FASN: variants seen among roughly 807,000 people sequenced by gnomAD.
The protein encoded by FASN is fatty acid synthase, also known as 3-hydroxyacyl-[acyl-carrier-protein] dehydratase.
A neutral mutation model predicts 250.0 loss-of-function variants in FASN; 50 were observed. The observed-to-expected ratio is 0.20, with a 90% CI of 0.16 to 0.25. FASN has a LOEUF of 0.25. Ranked by LOEUF, FASN falls within the 10% of genes least tolerant of loss-of-function variation. The pLI, the probability that FASN is intolerant of heterozygous loss-of-function variation, is 1.00. For missense variants in FASN, 3,031 were observed against 3,498.5 expected, an observed-to-expected ratio of 0.87 and a Z score of 3.37; for synonymous variants, 1,909 against 1,584.0, an observed-to-expected ratio of 1.21 and a Z score of -4.87.
rs45493497 is a variant in FASN, at chr17:82,087,362, G to A, written c.3186C>T (p.His1062=). ...VTAIHIDPAT[H]RQKLYTLQDK... ...CCTGCAGTGTGTACAGCTTCTGCCT[G>A]TGGGTGGCAGGGTCGATGTGGATGG... The change falls in exon 20 of 43, where the codon CAC becomes CAT. Residue 1062 remains histidine, a synonymous_variant. Transcript: ENST00000306749. 4.4e-4 allele frequency: 710 copies of A among 1,612,548 alleles called. 6 individuals carry two copies. In the African/African-American group the frequency reaches 8.3e-3, roughly 19 times the overall value.
rs2144795720 is a variant in FASN at position 82,087,986 on chromosome 17, T to G, written c.2834A>C (p.Glu945Ala). ...TACCAGGTTGCCGTTCTCTGACACC[T>G]CGAAGGCACGGGAGGCCTCCAGGAG... ...VRLLEASRAF[E>A]VSENGNLVVS... The change falls in exon 18 of 43, where the codon GAG (glutamate) becomes GCG (alanine). Residue 945 changes from glutamate (E) to alanine (A), a missense_variant. Physicochemically the swap from Glu to Ala is moderately radical, Grantham distance 107 (BLOSUM62 -1). Transcript: ENST00000306749. The G allele has an allele frequency of 6.2e-7, 1 of 1,612,504 alleles. No individual in the cohort carries two copies. Among genetic ancestry groups the G allele is most frequent in the Non-Finnish European group, 8.5e-7 (1 of 1,179,922 alleles).
rs377477664 is a variant in FASN, at chr17:82,083,441, G to A, written c.5342-16C>T. Reference sequence around the variant, plus strand: ...ATAGCCATGCCTGCGGGCAGGGGCCGTGCTCACCCAGGGCCTTCCACAGGT... The same window carrying A: ...ATAGCCATGCCTGCGGGCAGGGGCCATGCTCACCCAGGGCCTTCCACAGGT... On this transcript the variant is annotated splice_polypyrimidine_tract_variant and intron_variant, in intron 31 of 42. Coordinates refer to ENST00000306749, the MANE Select transcript of FASN (RefSeq NM_004104.5). The A allele has an allele frequency of 1.2e-4, 190 of 1,612,466 alleles. 2 individuals are homozygous for A. In the South Asian group the frequency reaches 1.5e-3, roughly 13 times the overall value.
In FASN at chr17:82,094,661, C is replaced by A. The variant is rs957810681; in HGVS notation, c.280+659G>T. Among the ~76,000 whole-genome samples the A allele has an allele frequency of 4.0e-5, 6 of 151,592 alleles. No homozygotes were observed. In the East Asian group the frequency reaches 1.2e-3, roughly 30 times the overall value. Reference sequence around the variant, plus strand: ...AAAATTAGCCGGGCGTGGTGGTGGGCGCCTGTAGTCCCGGCCACTCAGGAG... The same window carrying A: ...AAAATTAGCCGGGCGTGGTGGTGGGAGCCTGTAGTCCCGGCCACTCAGGAG... On this transcript the variant is annotated intron_variant, in intron 3 of 42. Coordinates refer to ENST00000306749, the MANE Select transcript of FASN (RefSeq NM_004104.5).
At chr17:82,079,325 C>T in intron 42 of FASN, 32 bp downstream of exon 42, 1 of 1,613,060 alleles carries the variant, frequency 6.2e-7, no homozygotes, top group Non-Finnish European at 8.5e-7. Flanking sequence ...ACTCCTGTCC[C>T]TGTCCCCGTT....
At position 82,085,771 on chromosome 17, in the gene FASN, TG is replaced by T. The variant is rs2034087448; in HGVS notation, c.3832del (p.Gln1278ArgfsTer59). ...CTCGGCCTGGGCAGCCTCCAGGGCC[TG>T]GGGGTGGCGGTCGGTGGCCGTGTAG... ...LSYTATDRHP[Q>X]ALEAAQAELQ... On this transcript the variant is annotated frameshift_variant, in exon 23 of 43. Transcript: ENST00000306749. LOFTEE classifies it high-confidence loss of function. The T allele has an allele frequency of 6.4e-7, 1 of 1,564,340 alleles. No homozygotes were observed.
Position 82,080,443 on chromosome 17 carries a change from T to C in FASN, c.6974A>G (p.Gln2325Arg). The change falls in exon 40 of 43, where the codon CAG (glutamine) becomes CGG (arginine). Residue 2325 changes from glutamine to arginine, a missense_variant. By Grantham distance (43) the Gln-to-Arg change is conservative. Coordinates refer to ENST00000306749, the MANE Select transcript of FASN (RefSeq NM_004104.5). Reference protein sequence around the residue: ...FEMCSQLQAQQSPAPTHNSLF... With the variant: ...FEMCSQLQAQRSPAPTHNSLF... Reference sequence around the variant, plus strand: ...GCTGTTGTGGGTGGGGGCTGGGCTCTGCTGGGCCTGCAGCTGGGAGCACAT... The same window carrying C: ...GCTGTTGTGGGTGGGGGCTGGGCTCCGCTGGGCCTGCAGCTGGGAGCACAT... The C allele has an allele frequency of 6.3e-7, 1 of 1,595,400 alleles. No individual in the cohort carries two copies. The highest frequency in any genetic ancestry group is 8.5e-7 in the Non-Finnish European group (1 of 1,171,736).
At chr17:82,091,978 G>A (rs2034218220) in intron 8 of FASN, among the ~76,000 whole-genome samples, 1 of 152,220 alleles carries the variant, frequency 6.6e-6, no homozygotes, top group African/African-American at 2.4e-5. Flanking sequence ...CCTTGGCCCA[G>A]ATGTTGCATC....
Position 82,084,668 on chromosome 17 carries a change from C to G in FASN, c.4613G>C (p.Arg1538Pro). 1.9e-6 allele frequency: 3 copies of G among 1,586,304 alleles called. No individual in the cohort carries two copies. The highest frequency in any genetic ancestry group is 2.6e-6 in the Non-Finnish European group (3 of 1,167,008). Reference sequence around the variant, plus strand: ...CCAGCGGATGGAGGACAGGTCCCCCCGGGTGAGGGTGCTCACAAAGGCATG... The same window carrying G: ...CCAGCGGATGGAGGACAGGTCCCCCGGGGTGAGGGTGCTCACAAAGGCATG... ...TAHAFVSTLT[R>P]GDLSSIRWVC... Residue 1538 changes from arginine (R) to proline (P), a missense_variant, in exon 27 of 43, where the codon CGG becomes CCG. Arg to Pro is a moderately radical substitution (Grantham distance 103). Transcript: ENST00000306749.
Position 82,089,340 on chromosome 17 carries a change from C to T in FASN, c.2010G>A (p.Val670=), listed in dbSNP as rs1380901988. Residue 670 remains valine (V), a synonymous_variant, in exon 13 of 43, where the codon GTG becomes GTA. Transcript: ENST00000306749. ...CGCCGGTCCGCACCTCCTTGGCAAA[C>T]ACACCCTCCTTCCTCAGCTGCTCCA... ...EFVEQLRKEG[V]FAKEVRTGGM... 1 of 1,612,832 alleles carries T rather than the reference C, an allele frequency of 6.2e-7. No individual in the cohort carries two copies.
Position 82,093,788 on chromosome 17 carries a change from T to A in FASN, c.281-17A>T. On this transcript the variant is annotated splice_polypyrimidine_tract_variant and intron_variant, in intron 3 of 42. Transcript: ENST00000306749. The stretch of plus-strand genomic sequence containing the variant: ...GGTTGATGCCTGCCACAAACAGTGG[T>A]CAAGGTGCCACGGCCGGGCCCCACA... 6.2e-7 allele frequency: 1 copy of A among 1,611,704 alleles called. No individual in the cohort carries two copies. The highest frequency in any genetic ancestry group is 1.3e-5 in the African/African-American group (1 of 74,934).
chr17:82,090,349 G>A, intron 11 of FASN, 26 bp downstream of exon 11: 2 of 1,560,010 alleles, frequency 1.3e-6, no homozygotes, highest in Non-Finnish European at 1.7e-6. Context: ...TCTTGGAGGT[G>A]CTGGGGGCCC....
Position 82,086,493 on chromosome 17 carries a change from C to A in FASN, c.3493G>T (p.Asp1165Tyr). ...QGLKMVVPGL[D>Y]GAQIPRDPSQ... ...GGGTCCCGGGGGATCTGGGCCCCAT[C>A]CAGTCCGGGCACCACCATCTTCAGC... Residue 1165 changes from aspartate (D) to tyrosine (Y), a missense_variant, in exon 22 of 43, where the codon GAT becomes TAT. Physicochemically the swap from Asp to Tyr is radical, Grantham distance 160. Coordinates refer to ENST00000306749, the MANE Select transcript of FASN (RefSeq NM_004104.5). 1 of 1,612,522 alleles carries A rather than the reference C, an allele frequency of 6.2e-7. No individual in the cohort carries two copies. Among genetic ancestry groups the A allele is most frequent in the Non-Finnish European group, 8.5e-7 (1 of 1,179,974 alleles).
At chr17:82,082,782 GC>G (rs1054942739) in intron 33 of FASN, 104 bp from the exon 34 acceptor site, 732 of 1,550,438 alleles carry the variant, frequency 4.7e-4, no homozygotes, top group Non-Finnish European at 6.0e-4. Flanking sequence ...CATCCAGCAA[GC>G]CCCCCACAAG....
intron 6 of FASN, 27 bp downstream of exon 6, chr17:82,092,870 G>C: frequency 1.3e-6 from 2 of 1,591,382 alleles, no homozygotes; most frequent in Admixed American, 1.8e-5. Flanking sequence ...CTGCCCCCCA[G>C]CACCCCGGAA....
chr17:82,083,295 C>A lies in FASN; in HGVS notation c.5472G>T (p.Arg1824=). 1.9e-6 allele frequency: 3 copies of A among 1,612,778 alleles called. No individual in the cohort carries two copies. Among genetic ancestry groups the A allele is most frequent in the Non-Finnish European group, 1.7e-6 (2 of 1,180,006 alleles). ...VQAGIRDGVV[R]PLKCTVFHGA... is the part of the protein sequence containing the mutation. The stretch of plus-strand genomic sequence containing the variant: ...CATGGAACACCGTGCACTTGAGGGG[C>A]CGTACCACCCCATCCCGGATGCCGG... Residue 1824 remains arginine, a synonymous_variant, in exon 32 of 43, where the codon CGG becomes CGT. Coordinates refer to ENST00000306749, the MANE Select transcript of FASN (RefSeq NM_004104.5).
At position 82,092,600 on chromosome 17, in the gene FASN, C is replaced by G; in HGVS notation, c.895-11G>C. On this transcript the variant is annotated splice_polypyrimidine_tract_variant and intron_variant, in intron 7 of 42. Transcript: ENST00000306749. Reference sequence around the variant, plus strand: ...CTGGGGGTCGCCCACCTGTGGGAAACATGGGGGGTGAGGGGCTCTGGCCAG... The same window carrying G: ...CTGGGGGTCGCCCACCTGTGGGAAAGATGGGGGGTGAGGGGCTCTGGCCAG... 6.4e-7 allele frequency: 1 copy of G among 1,555,788 alleles called. No individual in the cohort carries two copies. The highest frequency in any genetic ancestry group is 2.5e-5 in the East Asian group (1 of 40,772).
In FASN at chr17:82,092,596, G is replaced by T; in HGVS notation, c.895-7C>A. ...GCTCCTGGGGGTCGCCCACCTGTGG[G>T]AAACATGGGGGGTGAGGGGCTCTGG... is the stretch of plus-strand genomic sequence containing the variant. On this transcript the variant is annotated splice_region_variant and splice_polypyrimidine_tract_variant and intron_variant, in intron 7 of 42. Transcript: ENST00000306749. The T allele has an allele frequency of 6.2e-7, 1 of 1,605,890 alleles. No homozygotes were observed.
chr17:82,089,755 G>T, intron 11 of FASN, 29 bp from the exon 12 acceptor site: 5 of 1,555,858 alleles, frequency 3.2e-6, no homozygotes, highest in Non-Finnish European at 4.4e-6. Context: ...CAGAGGCTTA[G>T]CGTGGACACC....
rs368876740 is a variant in FASN at position 82,084,122 on chromosome 17, C to T, written c.4951G>A (p.Val1651Ile). The change falls in exon 29 of 43, where the codon GTC becomes ATC. Residue 1651 changes from valine (V) to isoleucine (I), a missense_variant. By Grantham distance (29) the Val-to-Ile change is conservative. Coordinates refer to ENST00000306749, the MANE Select transcript of FASN (RefSeq NM_004104.5). ...TLEEAASVPV[V>I]YSTAYYALVV... ...AGCGCGTAGTAGGCCGTGCTGTAGA[C>T]GACAGGCACCGAGGCCGCCTCCTCC... 40 of 1,582,586 alleles carry T rather than the reference C, an allele frequency of 2.5e-5. No individual in the cohort carries two copies. Among genetic ancestry groups the T allele is most frequent in the African/African-American group, 1.1e-4 (8 of 74,186 alleles).
Sources: allele counts gnomAD v4.1 joint callset (sites outside exome capture counted in the v4.1 genomes callset), GRCh38; gene constraint gnomAD v4.1.1; transcripts MANE v1.5; gene names NCBI Gene and HGNC (gene_info 2026-07-23, HGNC 2026-07-21).